The following CDCA2 variants were observed in gnomAD, a reference collection of about 807,000 sequenced individuals.
CDCA2 encodes the protein cell division cycle-associated protein 2.
CDCA2 carries 44 observed loss-of-function variants against 67.0 expected under a neutral mutation model. That is an observed-to-expected ratio of 0.66 (90% CI 0.52 to 0.84). The LOEUF is 0.84. CDCA2 is among the 40% of genes least tolerant of loss of function. The pLI is 0.00. For synonymous variants in CDCA2, 447 were observed against 418.7 expected, an observed-to-expected ratio of 1.07 and a Z score of -0.82; for missense variants, 1,253 against 1,203.2, an observed-to-expected ratio of 1.04 and a Z score of -0.61.
At chr8:25,480,378 A>G (rs1803522338) in intron 8 of CDCA2, among the ~76,000 whole-genome samples, 2 of 152,150 alleles carry the variant, frequency 1.3e-5, no homozygotes, top group Non-Finnish European at 2.9e-5. Flanking sequence ...ATAAAGGGTC[A>G]TAATCTTACA....
chr8:25,489,096 G>C (rs1363688972), intron 13 of CDCA2, among the ~76,000 whole-genome samples: 2 of 152,084 alleles, frequency 1.3e-5, no homozygotes, highest in Non-Finnish European at 2.9e-5. Context: ...TTAAGGGAAA[G>C]TTTAGAAACT....
intron 13 of CDCA2, 23 bp from the exon 14 acceptor site, chr8:25,503,349 CA>C: frequency 6.4e-7 from 1 of 1,566,788 alleles, no homozygotes; most frequent in Non-Finnish European, 8.8e-7. Context: ...TTCTCAATTG[CA>C]ATGTTTTAAT....
chr8:25,507,016 C>A lies in CDCA2; in HGVS notation c.2350C>A (p.Pro784Thr), dbSNP rs150690282. The A allele has an allele frequency of 1.8e-4, 287 of 1,613,906 alleles. No individual in the cohort carries two copies. The highest frequency in any genetic ancestry group is 2.3e-4 in the Non-Finnish European group (276 of 1,179,982). Residue 784 changes from proline to threonine, a missense_variant, in exon 15 of 15, where the codon CCT becomes ACT. Physicochemically the swap from Pro to Thr is conservative, Grantham distance 38. Coordinates refer to ENST00000330560, the MANE Select transcript of CDCA2 (RefSeq NM_152562.4). ...EGKLQCNRLMPNSQKDCHCLG... is the reference protein window; with the variant it reads ...EGKLQCNRLMTNSQKDCHCLG... ...AAAACTGCAATGCAATCGTTTAATG[C>A]CTAATTCACAAAAAGACTGTCATTG...
At chr8:25,464,416 A>C (rs1167285360) in intron 4 of CDCA2, among the ~76,000 whole-genome samples, 2 of 152,228 alleles carry the variant, frequency 1.3e-5, no homozygotes, top group Non-Finnish European at 2.9e-5. Context: ...ACCTTGTCTC[A>C]AATAAAAATA....
chr8:25,493,714 C>A (rs918375510), intron 13 of CDCA2, among the ~76,000 whole-genome samples: 3 of 152,128 alleles, frequency 2.0e-5, no homozygotes, highest in Non-Finnish European at 4.4e-5. Flanking sequence ...CATTGAGATG[C>A]CGTTTCTCAC....
intron 7 of CDCA2, among the ~76,000 whole-genome samples, chr8:25,475,278 C>A (rs1011014638): frequency 9.2e-5 from 14 of 152,138 alleles, no homozygotes; most frequent in African/African-American, 3.4e-4. Context: ...CCCAGCACTT[C>A]AGGAGGCCGA....
chr8:25,460,363 A>C (rs376643502), intron 2 of CDCA2, 21 bp from the exon 3 acceptor site: 2 of 1,614,046 alleles, frequency 1.2e-6, no homozygotes, highest in African/African-American at 2.7e-5. Context: ...CCTCACCCCT[A>C]CAATATGTCG....
At chr8:25,475,716 C>T (rs1023633616) in intron 7 of CDCA2, among the ~76,000 whole-genome samples, 1 of 152,302 alleles carries the variant, frequency 6.6e-6, no homozygotes. Context: ...GGAAGACCCA[C>T]TAACCATGTT....
At position 25,506,897 on chromosome 8, in the gene CDCA2, A is replaced by G. The variant is rs1804703145; in HGVS notation, c.2231A>G (p.Gln744Arg). The G allele has an allele frequency of 6.2e-7, 1 of 1,612,108 alleles. No homozygotes were observed. Among genetic ancestry groups the G allele is most frequent in the Non-Finnish European group, 8.5e-7 (1 of 1,179,160 alleles). Reference protein sequence around the residue: ...QQGQEFSAGGQNAENLCQFFK... With the variant: ...QQGQEFSAGGRNAENLCQFFK... ...GGTCAAGAATTTTCTGCTGGTGGTC[A>G]AAATGCAGAAAACCTTTGTCAGTTC... Residue 744 changes from glutamine (Q) to arginine (R), a missense_variant, in exon 15 of 15, where the codon CAA becomes CGA. Gln to Arg is a conservative substitution (Grantham distance 43). Transcript: ENST00000330560.
Position 25,460,228 on chromosome 8 carries a change from T to A in CDCA2, c.1-12T>A. 6.2e-7 allele frequency: 1 copy of A among 1,613,980 alleles called. No individual in the cohort carries two copies. Among genetic ancestry groups the A allele is most frequent in the Non-Finnish European group, 8.5e-7 (1 of 1,179,816 alleles). On this transcript the variant is annotated splice_polypyrimidine_tract_variant and intron_variant, in intron 1 of 14. Transcript: ENST00000330560. ...GTGGGGTTATTTTTCATTGTTTTTCTTCACCTCTTAGATGGATGCCAATTC... is the reference window on the plus strand; with the variant it reads ...GTGGGGTTATTTTTCATTGTTTTTCATCACCTCTTAGATGGATGCCAATTC...
At chr8:25,494,965 G>T (rs1246650973) in intron 13 of CDCA2, among the ~76,000 whole-genome samples, 2 of 152,132 alleles carry the variant, frequency 1.3e-5, no homozygotes, top group Non-Finnish European at 2.9e-5. Flanking sequence ...CACCAGCCCT[G>T]CCAACACCCT....
Position 25,506,911 on chromosome 8 carries a change from C to G in CDCA2, c.2245C>G (p.Leu749Val). 1.2e-6 allele frequency: 2 copies of G among 1,612,590 alleles called. No individual in the cohort carries two copies. Among genetic ancestry groups the G allele is most frequent in the Non-Finnish European group, 8.5e-7 (1 of 1,179,340 alleles). Residue 749 changes from leucine (L) to valine (V), a missense_variant, in exon 15 of 15, where the codon CTT (leucine) becomes GTT (valine). Physicochemically the swap from Leu to Val is conservative, Grantham distance 32. Transcript: ENST00000330560. ...FSAGGQNAEN[L>V]CQFFKISPDL... Reference sequence around the variant, plus strand: ...TGCTGGTGGTCAAAATGCAGAAAACCTTTGTCAGTTCTTTAAAATTTCACC... The same window carrying G: ...TGCTGGTGGTCAAAATGCAGAAAACGTTTGTCAGTTCTTTAAAATTTCACC...
intron 13 of CDCA2, among the ~76,000 whole-genome samples, chr8:25,490,764 T>C (rs1315234473): frequency 6.6e-6 from 1 of 152,182 alleles, no homozygotes; most frequent in African/African-American, 2.4e-5. Flanking sequence ...CCCACAGTCT[T>C]GACAGCCAGC....
rs761607018 is a variant in CDCA2, at chr8:25,468,339, G to A, written c.661G>A (p.Val221Ile). 11 of 1,613,938 alleles carry A rather than the reference G, an allele frequency of 6.8e-6. No homozygotes were observed. Among genetic ancestry groups the A allele is most frequent in the Admixed American group, 1.7e-5 (1 of 59,996 alleles). The stretch of plus-strand genomic sequence containing the variant: ...AAATCTGACGGATGCTGAAGGAAAA[G>A]TAATTGGTCTCCAGATATTCAATAT... ...DENLTDAEGK[V>I]IGLQIFNIDT... Residue 221 changes from valine (V) to isoleucine (I), a missense_variant, in exon 6 of 15, where the codon GTA becomes ATA. Physicochemically the swap from Val to Ile is conservative, Grantham distance 29. Transcript: ENST00000330560.
rs572809930 is a variant in CDCA2, at chr8:25,488,958, C to A, written c.1671+269C>A. ...CACTCAAACCTGAAATTCTCATTCT[C>A]ATCTTTGAATCTACCCCAACATATT... On this transcript the variant is annotated intron_variant, in intron 13 of 14. Transcript: ENST00000330560. 2.6e-5 allele frequency among the ~76,000 whole-genome samples: 4 copies of A among 152,264 alleles called. No homozygotes were observed. In the East Asian group the frequency reaches 7.7e-4, roughly 29 times the overall value.
At chr8:25,459,593 G>A (rs777234420) in intron 1 of CDCA2, 120 bp downstream of exon 1, 1 of 154,442 alleles carries the variant, frequency 6.5e-6, no homozygotes, top group African/African-American at 2.4e-5. Flanking sequence ...GGGTGACCAG[G>A]AGTGCATCCG....
chr8:25,498,453 A>ACCACCC (rs375231236), intron 13 of CDCA2, among the ~76,000 whole-genome samples: 13 of 76,612 alleles, frequency 1.7e-4, no homozygotes, highest in African/African-American at 5.7e-4. Context: ...GGTAATCTGC[A>ACCACCC]CCCCCCCCCC....
chr8:25,460,835 C>T (rs943005002), intron 3 of CDCA2, among the ~76,000 whole-genome samples: 2 of 152,246 alleles, frequency 1.3e-5, no homozygotes, highest in East Asian at 3.9e-4. Context: ...ACTTTTTGAC[C>T]TGTCACCTAG....
chr8:25,469,019 A>G (rs1803046891), intron 6 of CDCA2, among the ~76,000 whole-genome samples: 1 of 152,260 alleles, frequency 6.6e-6, no homozygotes, highest in African/African-American at 2.4e-5. Flanking sequence ...TATTAGAAAA[A>G]TAATACTACT....
Sources: allele counts gnomAD v4.1 joint callset (sites outside exome capture counted in the v4.1 genomes callset), GRCh38; gene constraint gnomAD v4.1.1; transcripts MANE v1.5; gene names NCBI Gene and HGNC (gene_info 2026-07-23, HGNC 2026-07-21).